The following GRB14 variants were observed in gnomAD, a reference collection of about 807,000 sequenced individuals.
The protein encoded by GRB14 is growth factor receptor bound protein 14.
In GRB14, 38 loss-of-function variants were observed where a neutral mutation model predicts 69.1. The ratio of observed to expected loss-of-function variants is 0.55; its 90% confidence interval spans 0.42 to 0.72. GRB14 has a LOEUF of 0.72. Ranked by LOEUF, GRB14 falls within the 30% of genes least tolerant of loss-of-function variation. GRB14 has a pLI of 0.00. For synonymous variants in GRB14, 247 were observed against 241.3 expected, an observed-to-expected ratio of 1.02 and a Z score of -0.22; for missense variants, 666 against 666.1, an observed-to-expected ratio of 1.00 and a Z score of 0.00.
chr2:164,606,074 T>A (rs1250545696), intron 2 of GRB14, among the ~76,000 whole-genome samples: 1 of 152,200 alleles, frequency 6.6e-6, no homozygotes, highest in Non-Finnish European at 1.5e-5. Flanking sequence ...ACAGGAGTGT[T>A]TATTTTAATA....
intron 2 of GRB14, among the ~76,000 whole-genome samples, chr2:164,598,467 T>C (rs73971060): frequency 0.019 from 2,861 of 152,310 alleles, 81 homozygotes; most frequent in African/African-American, 0.065. Flanking sequence ...TCTTTTACTA[T>C]ATTTGAATGT....
At chr2:164,567,476 A>G (rs1250728500) in intron 2 of GRB14, among the ~76,000 whole-genome samples, 1 of 152,168 alleles carries the variant, frequency 6.6e-6, no homozygotes, top group East Asian at 1.9e-4. Context: ...AAAAATAAAC[A>G]CTACAGTTTC....
intron 2 of GRB14, among the ~76,000 whole-genome samples, chr2:164,612,226 C>A (rs778459855): frequency 6.6e-6 from 1 of 152,178 alleles, no homozygotes; most frequent in Non-Finnish European, 1.5e-5. Flanking sequence ...GCCTGACCAC[C>A]TAACCACTGC....
intron 2 of GRB14, among the ~76,000 whole-genome samples, chr2:164,614,106 G>A (rs1263695749): frequency 6.6e-6 from 1 of 152,172 alleles, no homozygotes; most frequent in East Asian, 1.9e-4. Context: ...GAGAAGCGCA[G>A]CTGTAAAGCC....
Position 164,497,402 on chromosome 2 carries a change from A to G in GRB14, c.1193T>C (p.Val398Ala). The change falls in exon 10 of 14, where the codon GTT (valine) becomes GCT (alanine). Residue 398 changes from valine (V) to alanine (A), a missense_variant. Val to Ala is a moderately conservative substitution (Grantham distance 64). Transcript: ENST00000263915. The stretch of plus-strand genomic sequence containing the variant: ...CCAAGCGAGTCCTTCTTCAACCGCA[A>G]CTGAAAGGGCTTCAGTGGGATTTTC... ...VIENPTEALS[V>A]AVEEGLAWRK... The G allele has an allele frequency of 1.9e-6, 3 of 1,613,726 alleles. No homozygotes were observed. The highest frequency in any genetic ancestry group is 2.5e-6 in the Non-Finnish European group (3 of 1,179,736).
intron 4 of GRB14, among the ~76,000 whole-genome samples, chr2:164,526,272 T>A (rs993698247): frequency 2.6e-5 from 4 of 152,048 alleles, no homozygotes; most frequent in Non-Finnish European, 5.9e-5. Flanking sequence ...CCAATTATCA[T>A]CCAAAACTTA....
chr2:164,573,815 T>C (rs1302276581), intron 2 of GRB14: 60 of 1,612,778 alleles, frequency 3.7e-5, no homozygotes, highest in Non-Finnish European at 5.0e-5. Flanking sequence ...GGCAGATAAA[T>C]TGAACATGAC....
chr2:164,578,826 T>C (rs972838358), intron 2 of GRB14, among the ~76,000 whole-genome samples: 1 of 152,190 alleles, frequency 6.6e-6, no homozygotes, highest in African/African-American at 2.4e-5. Flanking sequence ...TGGTTCTCTA[T>C]AGACTAAGGA....
At chr2:164,579,674 T>C (rs148088683) in intron 2 of GRB14, among the ~76,000 whole-genome samples, 1 of 152,036 alleles carries the variant, frequency 6.6e-6, no homozygotes, top group Non-Finnish European at 1.5e-5. Context: ...GACAGTGGCC[T>C]AATCCCGGAA....
At chr2:164,620,665 T>C (rs1454376508) in intron 1 of GRB14, among the ~76,000 whole-genome samples, 1 of 152,246 alleles carries the variant, frequency 6.6e-6, no homozygotes, top group Admixed American at 6.5e-5. Context: ...TTAAAGCCTC[T>C]ATTCTTTCCT....
chr2:164,577,011 C>CA (rs1199529501), intron 2 of GRB14, among the ~76,000 whole-genome samples: 4 of 151,594 alleles, frequency 2.6e-5, no homozygotes, highest in African/African-American at 4.8e-5. Context: ...CAATTTTATG[C>CA]AAAAAAACAT....
chr2:164,595,158 G>A (rs1365711973), intron 2 of GRB14, among the ~76,000 whole-genome samples: 1 of 152,166 alleles, frequency 6.6e-6, no homozygotes, highest in Non-Finnish European at 1.5e-5. Flanking sequence ...AGCATGCAAA[G>A]GATTTTGCAA....
intron 5 of GRB14, among the ~76,000 whole-genome samples, 194 bp from the exon 6 acceptor site, chr2:164,522,311 GTC>G (rs1687655529): frequency 6.6e-6 from 1 of 151,786 alleles, no homozygotes; most frequent in African/African-American, 2.4e-5. Flanking sequence ...TCTCTCCTCT[GTC>G]TCTCTTTCTA....
chr2:164,537,036 G>T (rs1358489971), intron 3 of GRB14, among the ~76,000 whole-genome samples: 1 of 152,162 alleles, frequency 6.6e-6, no homozygotes, highest in African/African-American at 2.4e-5. Context: ...AACAGCCCTG[G>T]AGCAGCAGCA....
rs370555627 is a variant in GRB14, at chr2:164,617,752, A to G, written c.324+1935T>C. Among the ~76,000 whole-genome samples, 6 of 151,904 alleles carry G rather than the reference A, an allele frequency of 3.9e-5. No homozygotes were observed. In the East Asian group the frequency reaches 9.7e-4, roughly 25 times the overall value. ...GGTTCAGGCTCCACCCGCTACCACA[A>G]CCCCAAATCAAAGCCCCATCTTTTA... is the stretch of plus-strand genomic sequence containing the variant. On this transcript the variant is annotated intron_variant, in intron 2 of 13. Coordinates refer to ENST00000263915, the MANE Select transcript of GRB14 (RefSeq NM_004490.3).
At chr2:164,558,428 C>T (rs1220330702) in intron 2 of GRB14, among the ~76,000 whole-genome samples, 1 of 152,156 alleles carries the variant, frequency 6.6e-6, no homozygotes, top group Non-Finnish European at 1.5e-5. Context: ...CATACAGACA[C>T]ACACACACAG....
At chr2:164,620,066 T>TCCCCCCCCC (rs1441805500) in intron 1 of GRB14, 5 of 44,298 alleles carry the variant, frequency 1.1e-4, no homozygotes, top group Admixed American at 5.8e-4. Flanking sequence ...CTCTCTCCCC[T>TCCCCCCCCC]CCCACCACCC....
intron 2 of GRB14, among the ~76,000 whole-genome samples, chr2:164,593,774 T>A (rs2105347483): frequency 6.6e-6 from 1 of 152,234 alleles, no homozygotes; most frequent in Non-Finnish European, 1.5e-5. Flanking sequence ...CCAGGAGGGA[T>A]GCCTTCAGGT....
chr2:164,600,568 AAGG>A (rs1441834110), intron 2 of GRB14, among the ~76,000 whole-genome samples: 23 of 152,212 alleles, frequency 1.5e-4, no homozygotes, highest in African/African-American at 5.3e-4. Flanking sequence ...GTACTTGTTA[AAGG>A]TTTTAATGTT....
Sources: gnomAD v4.1 joint callset for allele counts (sites outside exome capture counted in the v4.1 genomes callset) on GRCh38, gnomAD v4.1.1 for gene constraint, MANE v1.5 for transcripts, NCBI Gene and HGNC (gene_info 2026-07-23, HGNC 2026-07-21) for gene names.